Variants in SNRPN observed in about 807,000 individuals in gnomAD.
SNRPN encodes small nuclear ribonucleoprotein-associated protein N.
In SNRPN, 7 loss-of-function variants were observed where a neutral mutation model predicts 25.2. The observed-to-expected ratio is 0.28, with a 90% CI of 0.16 to 0.52. The LOEUF (loss-of-function observed/expected upper bound fraction) is 0.52, where lower values mean the gene tolerates loss of function less well. Among genes scored for constraint, SNRPN ranks in the 20% least tolerant of loss-of-function variants. SNRPN has a pLI of 0.96. For missense variants in SNRPN, 196 were observed against 322.5 expected (o/e 0.61, Z 3.00); for synonymous variants, 124 against 110.6 (o/e 1.12, Z -0.76).
chr15:24,957,322 T>C (rs1035989939), intron 1 of SNRPN, among the ~76,000 whole-genome samples: 1 of 152,188 alleles, frequency 6.6e-6, no homozygotes, highest in Non-Finnish European at 1.5e-5. Context: ...AGTTTTGTGC[T>C]CAAAGAGAAT....
At chr15:24,948,081 C>G (rs866660977) in intron 3 of SNRPN, among the ~76,000 whole-genome samples, 19 of 151,744 alleles carry the variant, frequency 1.3e-4, no homozygotes, top group Non-Finnish European at 1.9e-4. Flanking sequence ...ATCGAAAACT[C>G]AAAATAGCAA....
At chr15:24,846,995 C>T (rs1263481259) in intron 2 of SNRPN, among the ~76,000 whole-genome samples, 1 of 152,094 alleles carries the variant, frequency 6.6e-6, no homozygotes, top group Non-Finnish European at 1.5e-5. Flanking sequence ...AACATAAACT[C>T]TGGGAAAAGT....
Position 24,963,606 on chromosome 15 carries a change from C to T in SNRPN, c.-295+1397C>T, listed in dbSNP as rs1415809207. 2.7e-5 allele frequency among the ~76,000 whole-genome samples: 4 copies of T among 147,772 alleles called. No homozygotes were observed. The East Asian group carries it at 7.8e-4, about 29-fold the overall frequency. On this transcript the variant is annotated intron_variant, in intron 2 of 9. Transcript: ENST00000390687. ...CTCTAGCCTGGGTGACAGAGCAAGA[C>T]TCCATCTCAGGAAAAAAAAAAAAAG... is the stretch of plus-strand genomic sequence containing the variant.
rs1222297908 is a variant in SNRPN at position 24,976,965 on chromosome 15, C to T, written c.356C>T (p.Pro119Leu). The T allele has an allele frequency of 1.9e-6, 3 of 1,605,664 alleles. No homozygotes were observed. Among genetic ancestry groups the T allele is most frequent in the South Asian group, 2.2e-5 (2 of 89,866 alleles). Residue 119 changes from proline to leucine, a missense_variant, in exon 7 of 10, where the codon CCA becomes CTA. Physicochemically the swap from Pro to Leu is moderately conservative, Grantham distance 98. Transcript: ENST00000390687. ...GGTAGAGGAGTACCAGCTGGTGTGC[C>T]AATTCCCCAGGCCCCTGCTGGATTG... The part of the protein sequence containing the change: ...AAGRGVPAGV[P>L]IPQAPAGLAG...
rs149982360 is a variant in SNRPN, at chr15:24,850,499, C to G, written c.-579+20594C>G. 10 of 152,258 alleles carry G rather than the reference C, an allele frequency of 6.6e-5. No individual in the cohort carries two copies. In the East Asian group the frequency reaches 1.9e-3, roughly 30 times the overall value. 9.4% of individuals were successfully genotyped at this position (152,258 alleles called of 1,614,324 possible). A position where few individuals can be genotyped will look rare whatever the true frequency, so the allele number is the denominator to read the frequency against. ...CTAATTTTTGCATTTTTAGTAGAGA[C>G]GGGGTTTCACCATGTTTTTTGGCCA... On this transcript the variant is annotated intron_variant, in intron 2 of 12. Coordinates refer to the SNRPN transcript ENST00000400100.
intron 3 of SNRPN, among the ~76,000 whole-genome samples, chr15:24,943,506 G>A (rs1337057240): frequency 6.6e-6 from 1 of 152,112 alleles, no homozygotes; most frequent in Non-Finnish European, 1.5e-5. Context: ...ACTTAGTTGT[G>A]TCTTCAGATC....
chr15:24,948,820 G>A (rs1476447708), intron 3 of SNRPN, among the ~76,000 whole-genome samples: 1 of 151,692 alleles, frequency 6.6e-6, no homozygotes, highest in Non-Finnish European at 1.5e-5. Context: ...GTGCTTTTGA[G>A]TATATTCACA....
intron 1 of SNRPN, 145 bp from the exon 2 acceptor site, chr15:24,961,969 T>G: frequency 1.3e-6 from 1 of 793,000 alleles, no homozygotes; most frequent in Non-Finnish European, 2.1e-6. Context: ...GTTTGAAGGT[T>G]AAAGATCTTG....
intron 1 of SNRPN, among the ~76,000 whole-genome samples, chr15:24,824,710 C>T (rs1046187944): frequency 1.3e-5 from 2 of 151,974 alleles, no homozygotes; most frequent in African/African-American, 2.4e-5. Context: ...TTTACGTGCT[C>T]CATTAATGTC....
At chr15:24,856,815 C>A (rs2053439577) in intron 1 of SNRPN, 1 of 152,342 alleles carries the variant, frequency 6.6e-6, no homozygotes, top group African/African-American at 2.4e-5. Flanking sequence ...TAAACATCAT[C>A]TAAAACCAAC....
Position 24,909,619 on chromosome 15 carries a change from A to C in SNRPN, c.-504-10392A>C, listed in dbSNP as rs889405988. The C allele has an allele frequency of 1.6e-6, 2 of 1,216,758 alleles. 1 individual carries two copies. The allele number at this position is 1,216,758 out of a possible 1,614,324, so 75.4% of individuals were successfully genotyped here. On this transcript the variant is annotated intron_variant, in intron 2 of 11. Coordinates refer to the SNRPN transcript ENST00000400097. ...TGCAGACTATCATATCCCCCTCTAT[A>C]TGGGCATAAGCAATCTGACAAATGA...
At chr15:24,867,064 G>C (rs558966207) in intron 1 of SNRPN, among the ~76,000 whole-genome samples, 3 of 152,262 alleles carry the variant, frequency 2.0e-5, no homozygotes, top group African/African-American at 7.2e-5. Context: ...CTGCCTCATA[G>C]TGGTTTGAAC....
At position 24,904,230 on chromosome 15, in the gene SNRPN, C is replaced by T. The variant is rs946545816; in HGVS notation, c.-504-15781C>T. 5.3e-5 allele frequency among the ~76,000 whole-genome samples: 8 copies of T among 152,270 alleles called. 1 individual carries two copies. The highest frequency in any genetic ancestry group is 2.1e-4 in the South Asian group (1 of 4,826). On this transcript the variant is annotated intron_variant, in intron 2 of 11. Transcript: ENST00000400097. ...GTAAAAATGCAGGGAAGCCTGGCCC[C>T]GTAACCACTTTTAATACCACATACT...
At chr15:24,876,462 C>T (rs2055888561) in intron 1 of SNRPN, among the ~76,000 whole-genome samples, 1 of 151,920 alleles carries the variant, frequency 6.6e-6, no homozygotes, top group Non-Finnish European at 1.5e-5. Context: ...GCTAAAAATA[C>T]AAAAATTAGC....
At chr15:24,841,130 C>T (rs1179920577) in intron 2 of SNRPN, among the ~76,000 whole-genome samples, 4 of 152,166 alleles carry the variant, frequency 2.6e-5, no homozygotes, top group African/African-American at 4.8e-5. Flanking sequence ...TGAGCCCCCA[C>T]GGCCAGCCGG....
chr15:24,891,025 C>T lies in SNRPN; in HGVS notation c.-505+4436C>T, dbSNP rs115945039. On this transcript the variant is annotated intron_variant, in intron 2 of 11. Transcript: ENST00000400097. ...ACCCAGGTCCAATCAGTTCTTGTGACTCAGCCTCCCCAGTAGCTGTGATTT... is the reference window on the plus strand; with the variant it reads ...ACCCAGGTCCAATCAGTTCTTGTGATTCAGCCTCCCCAGTAGCTGTGATTT... 6.2e-3 allele frequency among the ~76,000 whole-genome samples: 947 copies of T among 152,230 alleles called. 9 individuals carry two copies. Among genetic ancestry groups the T allele is most frequent in the African/African-American group, 0.022 (902 of 41,540 alleles).
chr15:24,848,037 G>A (rs983674471), intron 2 of SNRPN, among the ~76,000 whole-genome samples: 3 of 151,998 alleles, frequency 2.0e-5, no homozygotes, highest in Non-Finnish European at 4.4e-5. Flanking sequence ...GGAGAAGTCA[G>A]GTGCATTCGC....
intron 2 of SNRPN, chr15:24,849,299 C>T (rs2052578648): frequency 6.6e-6 from 1 of 152,238 alleles, no homozygotes; most frequent in African/African-American, 2.4e-5. Context: ...TATTCCATCA[C>T]CTCATCCATC....
chr15:24,952,632 G>A (rs2062367209), upstream of SNRPN, among the ~76,000 whole-genome samples: 4 of 152,190 alleles, frequency 2.6e-5, no homozygotes, highest in Admixed American at 2.6e-4. Context: ...AGGAAATTAT[G>A]AGGAAAGGCA....
Sources: allele counts gnomAD v4.1 joint callset (sites outside exome capture counted in the v4.1 genomes callset), GRCh38; gene constraint gnomAD v4.1.1; transcripts MANE v1.5; gene names NCBI Gene and HGNC (gene_info 2026-07-23, HGNC 2026-07-21).